Variants in COX10 observed in about 807,000 individuals in gnomAD.
The protein encoded by COX10 is cytochrome c oxidase assembly factor heme A:farnesyltransferase COX10, also known as protoheme IX farnesyltransferase, mitochondrial.
A neutral mutation model predicts 37.3 loss-of-function variants in COX10; 27 were observed. The ratio of observed to expected loss-of-function variants is 0.72; its 90% CI spans 0.53 to 1.00. The LOEUF (loss-of-function observed/expected upper bound fraction) is 1.00, where lower values mean the gene tolerates loss of function less well. Ranked by LOEUF, COX10 falls within the 50% of genes least tolerant of loss-of-function variation. The pLI is 0.00. For synonymous variants in COX10, 222 were observed against 229.1 expected (o/e 0.97, Z 0.28); for missense variants, 475 against 563.2 (o/e 0.84, Z 1.59).
At chr17:14,160,437 A>G (rs1427828181) in intron 5 of COX10, among the ~76,000 whole-genome samples, 1 of 152,212 alleles carries the variant, frequency 6.6e-6, no homozygotes. Flanking sequence ...TAACATCACT[A>G]ATGGTTAATA....
chr17:14,202,548 G>T (rs1906575263), intron 6 of COX10, among the ~76,000 whole-genome samples: 1 of 152,088 alleles, frequency 6.6e-6, no homozygotes, highest in Non-Finnish European at 1.5e-5. Context: ...CGGGGTTGTT[G>T]TAAGGATTCG....
intron 5 of COX10, among the ~76,000 whole-genome samples, chr17:14,162,269 T>C (rs1459306734): frequency 6.6e-6 from 1 of 152,192 alleles, no homozygotes; most frequent in Non-Finnish European, 1.5e-5. Context: ...GTTTTGAAGA[T>C]CATAGAAGTG....
At chr17:14,162,330 A>G (rs1451055328) in intron 5 of COX10, among the ~76,000 whole-genome samples, 1 of 152,204 alleles carries the variant, frequency 6.6e-6, no homozygotes, top group Non-Finnish European at 1.5e-5. Context: ...TTATGCTGTC[A>G]TGTACAACTT....
chr17:14,108,297 ATTTG>A (rs1915941044), intron 4 of COX10, among the ~76,000 whole-genome samples: 1 of 152,186 alleles, frequency 6.6e-6, no homozygotes, highest in Admixed American at 6.5e-5. Context: ...ACATTAGATC[ATTTG>A]TTTGAGTCTA....
At chr17:14,089,173 A>T (rs1016055443) in intron 3 of COX10, among the ~76,000 whole-genome samples, 3 of 152,176 alleles carry the variant, frequency 2.0e-5, no homozygotes, top group African/African-American at 7.2e-5. Context: ...TATTCAGTAC[A>T]TCCCCTTCTT....
chr17:14,082,133 A>AT (rs1915309580), intron 3 of COX10, among the ~76,000 whole-genome samples: 1 of 152,220 alleles, frequency 6.6e-6, no homozygotes, highest in South Asian at 2.1e-4. Flanking sequence ...TACAGTGACC[A>AT]TGCTGATGGT....
chr17:14,095,801 C>G (rs959267220), intron 3 of COX10, among the ~76,000 whole-genome samples: 1 of 152,186 alleles, frequency 6.6e-6, no homozygotes, highest in South Asian at 2.1e-4. Flanking sequence ...TAGCTGCCAG[C>G]ATGGCTTGCT....
chr17:14,136,196 C>T (rs182433633), intron 4 of COX10, among the ~76,000 whole-genome samples: 7 of 151,964 alleles, frequency 4.6e-5, no homozygotes, highest in Admixed American at 2.0e-4. Flanking sequence ...CTCAGAAATA[C>T]GAGAAATTTT....
intron 4 of COX10, among the ~76,000 whole-genome samples, chr17:14,153,637 C>T (rs749097933): frequency 6.6e-5 from 10 of 152,138 alleles, no homozygotes; most frequent in Non-Finnish European, 1.5e-4. Flanking sequence ...GGAAGTGGAA[C>T]TTTCATATAC....
intron 4 of COX10, among the ~76,000 whole-genome samples, chr17:14,149,085 A>G (rs1247034603): frequency 1.3e-5 from 2 of 151,024 alleles, no homozygotes; most frequent in African/African-American, 2.4e-5. Flanking sequence ...CACAAACGTT[A>G]TAATAGGTGT....
chr17:14,200,103 G>C (rs1906502769), intron 6 of COX10, among the ~76,000 whole-genome samples: 1 of 152,110 alleles, frequency 6.6e-6, no homozygotes, highest in African/African-American at 2.4e-5. Context: ...GGGGGGTGGG[G>C]GTGGGAAGGT....
chr17:14,089,913 T>G (rs1383829276), intron 3 of COX10, among the ~76,000 whole-genome samples: 1 of 152,150 alleles, frequency 6.6e-6, no homozygotes, highest in Non-Finnish European at 1.5e-5. Flanking sequence ...CTCTTTACTG[T>G]CAGCACACTG....
intron 4 of COX10, among the ~76,000 whole-genome samples, chr17:14,150,582 C>T (rs991305154): frequency 3.9e-5 from 6 of 152,128 alleles, no homozygotes; most frequent in Admixed American, 1.3e-4. Context: ...CCTCACTTCC[C>T]TTGTATCCCA....
intron 1 of COX10, among the ~76,000 whole-genome samples, chr17:14,071,866 C>T (rs542725432): frequency 1.3e-4 from 20 of 152,072 alleles, no homozygotes; most frequent in African/African-American, 4.6e-4. Flanking sequence ...TGCCACTGCA[C>T]TCCAGCCTGG....
intron 4 of COX10, among the ~76,000 whole-genome samples, chr17:14,155,503 C>G (rs1567603582): frequency 6.6e-6 from 1 of 151,914 alleles, no homozygotes; most frequent in Non-Finnish European, 1.5e-5. Flanking sequence ...ATCACAAGAT[C>G]AGGAGATCGA....
rs528482464 is a variant in COX10, at chr17:14,125,513, A to G, written c.624+23271A>G. Reference sequence around the variant, plus strand: ...AACATATTCAGAGCCAGACGATGAAATGCAGCTCTTTTGGGAGGCAAATAC... The same window carrying G: ...AACATATTCAGAGCCAGACGATGAAGTGCAGCTCTTTTGGGAGGCAAATAC... On this transcript the variant is annotated intron_variant, in intron 4 of 6. Transcript: ENST00000261643. 5.9e-5 allele frequency among the ~76,000 whole-genome samples: 9 copies of G among 152,298 alleles called. No homozygotes were observed. The East Asian group carries it at 1.5e-3, about 26-fold the overall frequency.
At chr17:14,122,823 A>G (rs541743121) in intron 4 of COX10, among the ~76,000 whole-genome samples, 2 of 152,322 alleles carry the variant, frequency 1.3e-5, no homozygotes, top group East Asian at 3.9e-4. Context: ...ATAATTATGC[A>G]TTAGCCAGAA....
intron 5 of COX10, among the ~76,000 whole-genome samples, chr17:14,170,398 C>T (rs1905426292): frequency 1.3e-5 from 2 of 151,996 alleles, no homozygotes; most frequent in African/African-American, 4.8e-5. Context: ...TGTCAGTCTT[C>T]AGGTATTCTT....
intron 5 of COX10, among the ~76,000 whole-genome samples, chr17:14,175,126 G>T (rs1905634421): frequency 8.8e-6 from 1 of 113,384 alleles, no homozygotes; most frequent in Non-Finnish European, 2.0e-5. Flanking sequence ...CTATAGAGGG[G>T]CGTAAGAAAC....
Sources: gnomAD v4.1 joint callset for allele counts (sites outside exome capture counted in the v4.1 genomes callset) on GRCh38, gnomAD v4.1.1 for gene constraint, MANE v1.5 for transcripts, NCBI Gene and HGNC (gene_info 2026-07-23, HGNC 2026-07-21) for gene names.